EXOC4: variants seen among roughly 807,000 people sequenced by gnomAD.
EXOC4 encodes the protein exocyst complex component 4, also known as SEC8-like 1.
EXOC4 carries 71 observed loss-of-function variants against 107.2 expected under a neutral mutation model. That is an observed-to-expected ratio of 0.66 (90% CI 0.55 to 0.81). The LOEUF is 0.81. EXOC4 is among the 30% of genes least tolerant of loss of function. The pLI is 0.00. For missense variants in EXOC4, 1,108 were observed against 1,189.6 expected, an observed-to-expected ratio of 0.93 and a Z score of 1.01; for synonymous variants, 456 against 441.2, an observed-to-expected ratio of 1.03 and a Z score of -0.42.
At chr7:133,930,513 G>A (rs1800152466) in intron 13 of EXOC4, 1 of 152,058 alleles carries the variant, frequency 6.6e-6, no homozygotes, top group African/African-American at 2.4e-5. Flanking sequence ...TTAGTTTCTA[G>A]TATCAGTTTT....
At chr7:133,928,357 A>C (rs867484544) in intron 13 of EXOC4, among the ~76,000 whole-genome samples, 5 of 152,150 alleles carry the variant, frequency 3.3e-5, no homozygotes, top group Non-Finnish European at 7.3e-5. Flanking sequence ...CTCTAGTAGC[A>C]CTGCCGAAAG....
intron 10 of EXOC4, among the ~76,000 whole-genome samples, chr7:133,640,961 A>T (rs1340993248): frequency 6.6e-6 from 1 of 151,968 alleles, no homozygotes; most frequent in Non-Finnish European, 1.5e-5. Flanking sequence ...ACACTGCAGA[A>T]TGCCTGGGCT....
chr7:133,988,255 C>G (rs1430393161), intron 14 of EXOC4, among the ~76,000 whole-genome samples: 2 of 152,156 alleles, frequency 1.3e-5, no homozygotes, highest in African/African-American at 2.4e-5. Flanking sequence ...CTGTTAGATT[C>G]CTGAATCCCC....
chr7:133,588,644 G>A (rs931716137), intron 9 of EXOC4, among the ~76,000 whole-genome samples: 1 of 152,154 alleles, frequency 6.6e-6, no homozygotes, highest in African/African-American at 2.4e-5. Context: ...TGTAATCGCA[G>A]CACTTTGGGA....
chr7:133,677,045 T>G (rs1365916572), intron 10 of EXOC4, among the ~76,000 whole-genome samples: 1 of 151,772 alleles, frequency 6.6e-6, no homozygotes, highest in Admixed American at 6.6e-5. Flanking sequence ...CAGTCATTCT[T>G]ATTTATGCTG....
downstream of EXOC4, among the ~76,000 whole-genome samples, chr7:134,069,013 C>G (rs1796227115): frequency 6.6e-6 from 1 of 152,152 alleles, no homozygotes; most frequent in Admixed American, 6.5e-5. Context: ...CAACTCCTCT[C>G]TGATCTACCC....
intron 9 of EXOC4, among the ~76,000 whole-genome samples, chr7:133,568,681 A>G (rs1294325960): frequency 1.3e-5 from 2 of 152,146 alleles, no homozygotes; most frequent in African/African-American, 4.8e-5. Flanking sequence ...TTGGATGACT[A>G]GGATTTCCAA....
chr7:133,576,935 C>A, intron 9 of EXOC4: 2 of 1,166,984 alleles, frequency 1.7e-6, no homozygotes, highest in Non-Finnish European at 2.3e-6. Flanking sequence ...TTATTCACTG[C>A]ATGTGTGTAT....
chr7:133,947,643 G>T (rs906335392), intron 14 of EXOC4, among the ~76,000 whole-genome samples: 2 of 152,210 alleles, frequency 1.3e-5, no homozygotes, highest in African/African-American at 4.8e-5. Flanking sequence ...TTAGAAAGCA[G>T]TACCCCACCC....
intron 10 of EXOC4, among the ~76,000 whole-genome samples, chr7:133,647,030 G>A (rs1242383967): frequency 6.6e-6 from 1 of 152,150 alleles, no homozygotes; most frequent in African/African-American, 2.4e-5. Context: ...GCCATAAGGA[G>A]TCAAATTACC....
intron 7 of EXOC4, among the ~76,000 whole-genome samples, chr7:133,381,101 GC>G (rs1439121371): frequency 1.3e-5 from 2 of 151,894 alleles, no homozygotes; most frequent in African/African-American, 4.8e-5. Context: ...CTTTATTATT[GC>G]CCTATAAATT....
At chr7:133,751,605 A>G (rs920602228) in intron 10 of EXOC4, among the ~76,000 whole-genome samples, 1 of 152,172 alleles carries the variant, frequency 6.6e-6, no homozygotes, top group African/African-American at 2.4e-5. Flanking sequence ...CTCCATGTAT[A>G]GCAGCATCTT....
At chr7:133,350,090 G>A (rs1795873990) in intron 5 of EXOC4, among the ~76,000 whole-genome samples, 1 of 151,986 alleles carries the variant, frequency 6.6e-6, no homozygotes, top group Non-Finnish European at 1.5e-5. Flanking sequence ...TATCCGATAT[G>A]TGATTTTGAA....
Position 133,484,170 on chromosome 7 carries a change from A to G in EXOC4, c.1417+4032A>G, listed in dbSNP as rs1799221728. 7.5e-6 allele frequency: 12 copies of G among 1,593,152 alleles called. No homozygotes were observed. In the East Asian group the frequency reaches 2.5e-4, roughly 33 times the overall value. ...TAGAAATGTGACTCAGTCTAACAAC[A>G]CCCAAGAGGATAAAAGGATTAAAAA... On this transcript the variant is annotated intron_variant, in intron 9 of 17. Transcript: ENST00000253861.
At chr7:133,655,775 C>T (rs113073264) in intron 10 of EXOC4, among the ~76,000 whole-genome samples, 219 of 152,286 alleles carry the variant, frequency 1.4e-3, no homozygotes, top group African/African-American at 5.2e-3. Flanking sequence ...CTGCCTGAGG[C>T]AGCTTTACTG....
At chr7:133,281,921 T>C (rs558145473) in intron 2 of EXOC4, among the ~76,000 whole-genome samples, 2 of 152,180 alleles carry the variant, frequency 1.3e-5, no homozygotes. Flanking sequence ...CAGGCTAGTC[T>C]TGAACTCCTG....
intron 10 of EXOC4, among the ~76,000 whole-genome samples, chr7:133,750,356 A>T (rs539261487): frequency 6.6e-6 from 1 of 152,040 alleles, no homozygotes; most frequent in Non-Finnish European, 1.5e-5. Flanking sequence ...ATTGAACTCC[A>T]TTTCCTTAAT....
At chr7:133,871,148 G>T (rs73155194) in intron 11 of EXOC4, among the ~76,000 whole-genome samples, 21,322 of 151,736 alleles carry the variant, frequency 0.14, 1,702 homozygotes, top group African/African-American at 0.2. Context: ...TGTTCTTCAG[G>T]GTATCTGCAT....
At chr7:133,499,364 G>A (rs937918997) in intron 9 of EXOC4, among the ~76,000 whole-genome samples, 5 of 152,062 alleles carry the variant, frequency 3.3e-5, no homozygotes, top group African/African-American at 1.2e-4. Flanking sequence ...TTAAACAAAT[G>A]CCTGATTTAG....
Sources: gnomAD v4.1 joint callset for allele counts (sites outside exome capture counted in the v4.1 genomes callset) on GRCh38, gnomAD v4.1.1 for gene constraint, MANE v1.5 for transcripts, NCBI Gene and HGNC (gene_info 2026-07-23, HGNC 2026-07-21) for gene names.